Variants in DIS3L2 observed in about 807,000 individuals in gnomAD.
DIS3L2 encodes DIS3 like 3'-5' exoribonuclease 2, also known as DIS3-like exonuclease 2.
In DIS3L2, 34 loss-of-function variants were observed where a neutral mutation model predicts 97.5. The ratio of observed to expected loss-of-function variants is 0.35; its 90% CI spans 0.27 to 0.46. The LOEUF is 0.46. DIS3L2 is among the 20% of genes least tolerant of loss of function. The pLI, the probability that DIS3L2 is intolerant of heterozygous loss-of-function variation, is 1.00. For missense variants in DIS3L2, 1,038 were observed against 1,146.0 expected (o/e 0.91, Z 1.36); for synonymous variants, 435 against 445.2 (o/e 0.98, Z 0.29).
chr2:232,335,719 G>A (rs1301648416), intron 19 of DIS3L2, 54 bp from the exon 20 acceptor site: 108 of 1,533,364 alleles, frequency 7.0e-5, no homozygotes, highest in Middle Eastern at 2.0e-4. Context: ...CAGGGTGGAA[G>A]GGCAGGCAGC....
At chr2:231,992,040 G>C (rs557477722) in intron 1 of DIS3L2, among the ~76,000 whole-genome samples, 1 of 152,252 alleles carries the variant, frequency 6.6e-6, no homozygotes, top group East Asian at 1.9e-4. Context: ...GGTATGGTTG[G>C]GAAGGCTGTA....
chr2:232,034,417 G>C (rs1219241206), intron 5 of DIS3L2, among the ~76,000 whole-genome samples: 1 of 152,040 alleles, frequency 6.6e-6, no homozygotes, highest in Non-Finnish European at 1.5e-5. Flanking sequence ...CAAAAAACCA[G>C]CTCCTGGACT....
At chr2:232,205,401 A>G (rs1160958716) in intron 9 of DIS3L2, among the ~76,000 whole-genome samples, 1 of 151,576 alleles carries the variant, frequency 6.6e-6, no homozygotes, top group African/African-American at 2.4e-5. Context: ...ATAGTAGACT[A>G]CTCCTACTTC....
At chr2:231,965,206 G>A (rs1391241738) in intron 1 of DIS3L2, among the ~76,000 whole-genome samples, 2 of 152,176 alleles carry the variant, frequency 1.3e-5, no homozygotes, top group African/African-American at 2.4e-5. Context: ...AGTAGTTACT[G>A]TTTCATTCAT....
intron 6 of DIS3L2, chr2:232,111,051 GA>G (rs1697512430): frequency 2.8e-6 from 1 of 355,436 alleles, no homozygotes. Flanking sequence ...ATTTAAAAAG[GA>G]TAGGAAATTA....
At chr2:232,339,487 G>T (rs543226854), downstream of DIS3L2, among the ~76,000 whole-genome samples, 1 of 152,372 alleles carries the variant, frequency 6.6e-6, no homozygotes, top group South Asian at 2.1e-4. Flanking sequence ...GGCTGCGAAA[G>T]TCACGGGTGG....
chr2:232,149,250 G>GGTTA (rs947768411), intron 8 of DIS3L2, among the ~76,000 whole-genome samples: 1 of 147,776 alleles, frequency 6.8e-6, no homozygotes, highest in African/African-American at 2.5e-5. Flanking sequence ...ACATTGTGCA[G>GGTTA]GTTAGTTACA....
intron 5 of DIS3L2, among the ~76,000 whole-genome samples, chr2:232,077,453 A>G (rs1696227481): frequency 6.6e-6 from 1 of 152,216 alleles, no homozygotes; most frequent in Non-Finnish European, 1.5e-5. Context: ...TGCTATTTCT[A>G]GAGCATTTTT....
chr2:232,145,558 A>G (rs1479329909), intron 8 of DIS3L2, among the ~76,000 whole-genome samples: 1 of 152,192 alleles, frequency 6.6e-6, no homozygotes, highest in Non-Finnish European at 1.5e-5. Flanking sequence ...TTTCCCACAC[A>G]GTAACTGATA....
At chr2:232,123,019 T>C (rs1697955094) in intron 6 of DIS3L2, among the ~76,000 whole-genome samples, 1 of 152,192 alleles carries the variant, frequency 6.6e-6, no homozygotes, top group Non-Finnish European at 1.5e-5. Context: ...AGGAGAGCTG[T>C]TGATCATTAG....
chr2:232,325,948 G>A lies in DIS3L2; in HGVS notation c.1740-3865G>A, dbSNP rs1210097962. On this transcript the variant is annotated intron_variant, in intron 14 of 20. Transcript: ENST00000325385. This position sits in a 1 kb window ranked among gnomAD's most constrained non-coding sequence, Gnocchi z 4.6. ...CCAGCAGCCCCAGTGCCCACTCTGC[G>A]CCCTTCGGGGCTCCCGTGGCCCAGA... 3.3e-5 allele frequency among the ~76,000 whole-genome samples: 5 copies of A among 152,338 alleles called. No individual in the cohort carries two copies. The highest frequency in any genetic ancestry group is 1.9e-4 in the East Asian group (1 of 5,168).
intron 9 of DIS3L2, among the ~76,000 whole-genome samples, chr2:232,198,305 A>G (rs1691810904): frequency 1.3e-5 from 2 of 152,216 alleles, no homozygotes; most frequent in Admixed American, 1.3e-4. Context: ...CTATGTTTAT[A>G]AAATCTGAGA....
chr2:232,190,295 C>A (rs535437740), intron 9 of DIS3L2, among the ~76,000 whole-genome samples: 1 of 152,150 alleles, frequency 6.6e-6, no homozygotes, highest in African/African-American at 2.4e-5. Flanking sequence ...GATCATGCCA[C>A]TGCATTCCAG....
intron 1 of DIS3L2, among the ~76,000 whole-genome samples, chr2:232,001,557 C>CTTTTTTTTTTG (rs1693904730): frequency 1.6e-5 from 1 of 61,920 alleles, no homozygotes; most frequent in African/African-American, 8.7e-5. Flanking sequence ...TGCCATTTGT[C>CTTTTTTTTTTG]TTTTTTTTTT....
At chr2:232,168,070 A>C (rs994582825) in intron 9 of DIS3L2, among the ~76,000 whole-genome samples, 4 of 152,094 alleles carry the variant, frequency 2.6e-5, no homozygotes, top group African/African-American at 9.7e-5. Flanking sequence ...ATAAATAAAA[A>C]TAATTCTATT....
At chr2:232,192,174 A>G (rs1360650878) in intron 9 of DIS3L2, among the ~76,000 whole-genome samples, 1 of 152,222 alleles carries the variant, frequency 6.6e-6, no homozygotes. Context: ...TTTATATACC[A>G]AAAGATATTT....
At chr2:231,981,639 A>ATATAT (rs1693265114) in intron 1 of DIS3L2, among the ~76,000 whole-genome samples, 1 of 86,928 alleles carries the variant, frequency 1.2e-5, no homozygotes, top group South Asian at 4.1e-4. Flanking sequence ...TATATATATG[A>ATATAT]GACATATTTA....
At chr2:231,990,825 C>A (rs1169609601) in intron 1 of DIS3L2, among the ~76,000 whole-genome samples, 1 of 152,092 alleles carries the variant, frequency 6.6e-6, no homozygotes, top group Non-Finnish European at 1.5e-5. Flanking sequence ...CTGCCATTAC[C>A]GATGTCCTGT....
chr2:232,141,703 A>C (rs2106359766), intron 8 of DIS3L2, among the ~76,000 whole-genome samples: 1 of 152,198 alleles, frequency 6.6e-6, no homozygotes, highest in East Asian at 1.9e-4. Flanking sequence ...TGTGGTAGAG[A>C]TGGGAAGTAG....
Sources: allele counts gnomAD v4.1 joint callset (sites outside exome capture counted in the v4.1 genomes callset), GRCh38; gene constraint gnomAD v4.1.1; non-coding constraint Gnocchi (gnomAD v3.1); transcripts MANE v1.5; gene names NCBI Gene and HGNC (gene_info 2026-07-23, HGNC 2026-07-21).